AFF3: variants seen among roughly 807,000 people sequenced by gnomAD.
AFF3 encodes the protein ALF transcription elongation factor 3, also known as AF4/FMR2 family member 3.
A neutral mutation model predicts 129.7 loss-of-function variants in AFF3; 32 were observed. The ratio of observed to expected loss-of-function variants is 0.25; its 90% CI spans 0.19 to 0.33. AFF3 has a LOEUF of 0.33. Ranked by LOEUF, AFF3 falls within the 10% of genes least tolerant of loss-of-function variation. The probability of loss-of-function intolerance (pLI) is 1.00; values close to 1 mark genes in which losing one functional copy is unlikely to be tolerated. For synonymous variants in AFF3, 644 were observed against 635.4 expected, an observed-to-expected ratio of 1.01 and a Z score of -0.20; for missense variants, 1,373 against 1,592.0, an observed-to-expected ratio of 0.86 and a Z score of 2.34.
intron 1 of AFF3, among the ~76,000 whole-genome samples, chr2:100,131,660 A>G (rs1189494221): frequency 6.6e-6 from 1 of 152,098 alleles, no homozygotes; most frequent in East Asian, 1.9e-4. Flanking sequence ...GGGTTTCACC[A>G]TGTTGGGTAG....
At chr2:99,620,989 G>A (rs1217480749) in intron 13 of AFF3, among the ~76,000 whole-genome samples, 1 of 152,152 alleles carries the variant, frequency 6.6e-6, no homozygotes, top group Non-Finnish European at 1.5e-5. Context: ...AGAACCATGA[G>A]CCAAATAAAT....
intron 8 of AFF3, among the ~76,000 whole-genome samples, chr2:99,820,626 G>A (rs1687584416): frequency 6.7e-6 from 1 of 149,904 alleles, no homozygotes; most frequent in African/African-American, 2.4e-5. Flanking sequence ...TTTACTTTAT[G>A]AACTTTTAAA....
intron 7 of AFF3, among the ~76,000 whole-genome samples, chr2:99,928,731 T>C (rs1696462219): frequency 6.6e-6 from 1 of 152,198 alleles, no homozygotes; most frequent in South Asian, 2.1e-4. Context: ...GAGGCCGGTC[T>C]TGGCCATGTG....
At chr2:100,001,692 C>T (rs1354353123) in intron 7 of AFF3, among the ~76,000 whole-genome samples, 2 of 139,690 alleles carry the variant, frequency 1.4e-5, no homozygotes, top group Non-Finnish European at 3.0e-5. Flanking sequence ...TCCCAAAGTG[C>T]AGGGATTACA....
chr2:100,035,563 C>A (rs1684830767), intron 4 of AFF3, among the ~76,000 whole-genome samples: 1 of 152,186 alleles, frequency 6.6e-6, no homozygotes, highest in Admixed American at 6.5e-5. Context: ...TATGGTGTAG[C>A]AGAAAGAGCA....
intron 12 of AFF3, among the ~76,000 whole-genome samples, chr2:99,659,587 T>C (rs777276003): frequency 6.6e-6 from 1 of 152,080 alleles, no homozygotes; most frequent in Non-Finnish European, 1.5e-5. Context: ...GGGGAAAAAA[T>C]AGAAAGTAAA....
chr2:99,777,613 G>T (rs1377484488), intron 8 of AFF3, among the ~76,000 whole-genome samples: 1 of 152,178 alleles, frequency 6.6e-6, no homozygotes, highest in Non-Finnish European at 1.5e-5. Context: ...TCCAATAGAT[G>T]TTATGTACAA....
chr2:100,037,519 ATAT>A (rs1219838529), intron 4 of AFF3, among the ~76,000 whole-genome samples: 6 of 16,654 alleles, frequency 3.6e-4, no homozygotes, highest in East Asian at 5.5e-3. Context: ...TATATTTTAT[ATAT>A]TATTTATATA....
intron 8 of AFF3, among the ~76,000 whole-genome samples, chr2:99,793,720 A>C (rs1433442645): frequency 2.6e-5 from 4 of 152,076 alleles, no homozygotes; most frequent in Non-Finnish European, 5.9e-5. Context: ...TTTTCAAAGG[A>C]GCAGCTTTAG....
At chr2:99,706,470 T>G (rs970815541) in intron 11 of AFF3, among the ~76,000 whole-genome samples, 13 of 152,358 alleles carry the variant, frequency 8.5e-5, no homozygotes, top group African/African-American at 3.1e-4. Flanking sequence ...GCCAGGCTTG[T>G]GGGCTTACCA....
intron 11 of AFF3, among the ~76,000 whole-genome samples, chr2:99,724,460 G>C (rs1053193770): frequency 6.6e-6 from 1 of 151,408 alleles, no homozygotes; most frequent in Non-Finnish European, 1.5e-5. Context: ...TTTAGTAGAG[G>C]TGGGGTTTCG....
chr2:100,082,837 T>C (rs1689136706), intron 4 of AFF3, among the ~76,000 whole-genome samples: 1 of 152,116 alleles, frequency 6.6e-6, no homozygotes, highest in Non-Finnish European at 1.5e-5. Context: ...TCCTAGAACT[T>C]TGGGAGGCCA....
chr2:100,061,621 T>C (rs776875722), intron 4 of AFF3, among the ~76,000 whole-genome samples: 4 of 152,090 alleles, frequency 2.6e-5, no homozygotes, highest in African/African-American at 4.8e-5. Flanking sequence ...AAACTGGAAG[T>C]TTCAAGTAAG....
At position 99,559,101 on chromosome 2, in the gene AFF3, C is replaced by T. The variant is rs867740593; in HGVS notation, c.3192-133G>A. On this transcript the variant is annotated intron_variant, in intron 21 of 24. Coordinates refer to ENST00000672756, the MANE Select transcript of AFF3 (RefSeq NM_001386135.1). Reference sequence around the variant, plus strand: ...TTTCTACATAGGAAATCTTTCTATACGTGCATATAATGTCTGTGAGGGAAC... The same window carrying T: ...TTTCTACATAGGAAATCTTTCTATATGTGCATATAATGTCTGTGAGGGAAC... 10 of 712,996 alleles carry T rather than the reference C, an allele frequency of 1.4e-5. No individual in the cohort carries two copies. The Middle Eastern group carries it at 2.2e-3, about 156-fold the overall frequency. The allele number at this position is 712,996 out of a possible 1,614,324, so 44.2% of individuals were successfully genotyped here.
At chr2:99,556,056 G>C (rs958131403) in intron 22 of AFF3, among the ~76,000 whole-genome samples, 2 of 152,170 alleles carry the variant, frequency 1.3e-5, no homozygotes, top group African/African-American at 4.8e-5. Flanking sequence ...GTGGTTCTGA[G>C]AACGTGATCT....
chr2:99,960,208 T>C (rs1677087203), intron 7 of AFF3, among the ~76,000 whole-genome samples: 1 of 152,170 alleles, frequency 6.6e-6, no homozygotes, highest in African/African-American at 2.4e-5. Context: ...TGAAAATGTA[T>C]CTTTTAAAAA....
rs150728299 is a variant in AFF3 at position 99,625,613 on chromosome 2, C to G, written c.1185-23992G>C. Among the ~76,000 whole-genome samples, 932 of 152,084 alleles carry G rather than the reference C, an allele frequency of 6.1e-3. 8 individuals are homozygous for G. The highest frequency in any genetic ancestry group is 0.017 in the Middle Eastern group (5 of 294). ...GTCTTCTGGGTTGTATGACAGGATA[C>G]TAGACGAAATGACAAGCGAGAGGAT... On this transcript the variant is annotated intron_variant, in intron 13 of 24. Transcript: ENST00000672756.
intron 8 of AFF3, among the ~76,000 whole-genome samples, chr2:99,802,318 T>C (rs1479827152): frequency 2.6e-5 from 4 of 152,166 alleles, no homozygotes; most frequent in Non-Finnish European, 4.4e-5. Context: ...AAAAGGCAGC[T>C]CTCTTCAAGT....
intron 7 of AFF3, among the ~76,000 whole-genome samples, chr2:99,883,225 A>C (rs1692855371): frequency 6.6e-6 from 1 of 152,218 alleles, no homozygotes; most frequent in Non-Finnish European, 1.5e-5. Context: ...ATTCACACCA[A>C]TACGATATCT....
Sources: gnomAD v4.1 joint callset for allele counts (sites outside exome capture counted in the v4.1 genomes callset) on GRCh38, gnomAD v4.1.1 for gene constraint, MANE v1.5 for transcripts, NCBI Gene and HGNC (gene_info 2026-07-23, HGNC 2026-07-21) for gene names.